The following CTNNA3 variants were observed in gnomAD, a reference collection of about 807,000 sequenced individuals.
CTNNA3 encodes catenin alpha 3, also known as catenin alpha-3.
In CTNNA3, 76 loss-of-function variants were observed where a neutral mutation model predicts 95.7. The observed-to-expected ratio is 0.79, with a 90% confidence interval of 0.66 to 0.96. The LOEUF is 0.96. Among genes scored for constraint, CTNNA3 ranks in the 40% least tolerant of loss-of-function variants. The pLI, the probability that CTNNA3 is intolerant of heterozygous loss-of-function variation, is 0.00. For synonymous variants in CTNNA3, 431 were observed against 374.4 expected (o/e 1.15, Z -1.74); for missense variants, 1,191 against 1,089.8 (o/e 1.09, Z -1.31).
intron 11 of CTNNA3, among the ~76,000 whole-genome samples, chr10:66,476,953 C>T (rs1310492887): frequency 6.6e-6 from 1 of 152,054 alleles, no homozygotes; most frequent in Admixed American, 6.6e-5. Flanking sequence ...GACTATCAAA[C>T]ATTCAAAATG....
At chr10:66,922,904 A>T (rs1846864149) in intron 7 of CTNNA3, among the ~76,000 whole-genome samples, 1 of 152,172 alleles carries the variant, frequency 6.6e-6, no homozygotes, top group Admixed American at 6.5e-5. Flanking sequence ...TAATAATCAC[A>T]TAAGGGTAAG....
chr10:66,231,952 T>G (rs1290839981), intron 13 of CTNNA3, among the ~76,000 whole-genome samples: 1 of 152,182 alleles, frequency 6.6e-6, no homozygotes, highest in Non-Finnish European at 1.5e-5. Flanking sequence ...ATACTGCTAC[T>G]GCTAAGGATT....
chr10:65,988,315 A>C (rs2078469975), intron 16 of CTNNA3, among the ~76,000 whole-genome samples: 1 of 152,140 alleles, frequency 6.6e-6, no homozygotes, highest in Non-Finnish European at 1.5e-5. Flanking sequence ...ATGTCAATTA[A>C]AAATAAAACA....
intron 13 of CTNNA3, among the ~76,000 whole-genome samples, chr10:66,235,166 C>A (rs1211751978): frequency 2.6e-5 from 4 of 152,136 alleles, no homozygotes; most frequent in Non-Finnish European, 5.9e-5. Flanking sequence ...GACTGCTGAT[C>A]CACAGAAAAT....
intron 9 of CTNNA3, among the ~76,000 whole-genome samples, chr10:66,704,824 A>G (rs1370637721): frequency 6.6e-6 from 1 of 152,136 alleles, no homozygotes; most frequent in African/African-American, 2.4e-5. Flanking sequence ...TACATAAATG[A>G]TCTCATGTCA....
At chr10:66,256,960 T>C (rs1177921056) in intron 13 of CTNNA3, among the ~76,000 whole-genome samples, 1 of 152,100 alleles carries the variant, frequency 6.6e-6, no homozygotes, top group Non-Finnish European at 1.5e-5. Context: ...AAGAGGGTCA[T>C]CGGAAGAGCG....
chr10:67,042,723 T>C (rs1854480748), intron 7 of CTNNA3, among the ~76,000 whole-genome samples: 1 of 151,980 alleles, frequency 6.6e-6, no homozygotes, highest in Non-Finnish European at 1.5e-5. Context: ...CAAGTTTGAT[T>C]GTCATAGAAA....
At chr10:66,258,796 T>A (rs1013715972) in intron 13 of CTNNA3, among the ~76,000 whole-genome samples, 3 of 152,150 alleles carry the variant, frequency 2.0e-5, no homozygotes, top group Admixed American at 6.5e-5. Context: ...CCTCCTGGGA[T>A]CTTATGGCTT....
chr10:67,421,417 C>T (rs1167899701), intron 5 of CTNNA3, among the ~76,000 whole-genome samples: 1 of 152,120 alleles, frequency 6.6e-6, no homozygotes, highest in African/African-American at 2.4e-5. Context: ...GTTTTGTAGA[C>T]CAAACTGCAT....
chr10:65,976,318 G>A (rs548784446), intron 16 of CTNNA3, among the ~76,000 whole-genome samples: 1 of 152,214 alleles, frequency 6.6e-6, no homozygotes, highest in East Asian at 1.9e-4. Context: ...ATACAACTCT[G>A]ATAAAATCAA....
chr10:65,989,289 GTAT>G lies in CTNNA3; in HGVS notation c.2160-495_2160-493del, dbSNP rs1240202627. On this transcript the variant is annotated intron_variant, in intron 15 of 17. Coordinates refer to ENST00000433211, the MANE Select transcript of CTNNA3 (RefSeq NM_013266.4). Reference sequence around the variant, plus strand: ...TTGAAAAGAGCACAATCAGACTCCAGTATTATTATTATTATTTTTTAATGCCAG... The same window carrying G: ...TTGAAAAGAGCACAATCAGACTCCAGTATTATTATTATTTTTTAATGCCAG... 9.2e-5 allele frequency among the ~76,000 whole-genome samples: 14 copies of G among 152,128 alleles called. No individual in the cohort carries two copies. The South Asian group carries it at 2.7e-3, about 29-fold the overall frequency.
At chr10:66,648,838 C>T (rs2894013) in intron 9 of CTNNA3, among the ~76,000 whole-genome samples, 100,215 of 151,866 alleles carry the variant, frequency 0.66, 33,972 homozygotes, top group East Asian at 0.95. Flanking sequence ...GTGGTTTATA[C>T]ACAGGTTGGA....
intron 10 of CTNNA3, among the ~76,000 whole-genome samples, chr10:66,608,819 C>A (rs1415408418): frequency 6.6e-6 from 1 of 152,010 alleles, no homozygotes. Context: ...AATGTAAAAC[C>A]CTAACCAATA....
chr10:66,821,744 G>A (rs1195211072), intron 7 of CTNNA3, among the ~76,000 whole-genome samples: 1 of 152,078 alleles, frequency 6.6e-6, no homozygotes, highest in Non-Finnish European at 1.5e-5. Context: ...TCTTTTCTGT[G>A]AACACTCAGT....
chr10:66,994,719 G>A, intron 7 of CTNNA3, among the ~76,000 whole-genome samples: 1 of 152,164 alleles, frequency 6.6e-6, no homozygotes, highest in Non-Finnish European at 1.5e-5. Flanking sequence ...GGAATAGCTT[G>A]ATGACTATTT....
rs1845262611 is a variant in CTNNA3 at position 66,634,384 on chromosome 10, T to C, written c.1282-12600A>G. The stretch of plus-strand genomic sequence containing the variant: ...TCATATGCTGTTATATTTAAAATGA[T>C]GATTCACAAAAATGATTGAGAATTC... On this transcript the variant is annotated intron_variant, in intron 9 of 17. Transcript: ENST00000433211. 6.6e-5 allele frequency among the ~76,000 whole-genome samples: 10 copies of C among 152,274 alleles called. 1 individual carries two copies. In the South Asian group the frequency reaches 2.1e-3, roughly 32 times the overall value.
chr10:66,637,160 G>A (rs187561673), intron 9 of CTNNA3, among the ~76,000 whole-genome samples: 7 of 152,036 alleles, frequency 4.6e-5, no homozygotes, highest in African/African-American at 7.2e-5. Flanking sequence ...GAAATGTTTC[G>A]TTTAAATACA....
chr10:66,984,106 G>C (rs991241197), intron 7 of CTNNA3, among the ~76,000 whole-genome samples: 3 of 152,072 alleles, frequency 2.0e-5, no homozygotes, highest in African/African-American at 7.2e-5. Flanking sequence ...AATAGTTATT[G>C]AGCACCTAAC....
chr10:66,644,457 G>GTATATA (rs369985156), intron 9 of CTNNA3, among the ~76,000 whole-genome samples: 9 of 124,610 alleles, frequency 7.2e-5, no homozygotes, highest in African/African-American at 2.9e-4. Context: ...CCCCAAATAT[G>GTATATA]TATATATATA....
Sources: gnomAD v4.1 joint callset for allele counts (sites outside exome capture counted in the v4.1 genomes callset) on GRCh38, gnomAD v4.1.1 for gene constraint, MANE v1.5 for transcripts, NCBI Gene and HGNC (gene_info 2026-07-23, HGNC 2026-07-21) for gene names.